The following PLAAT1 variants were observed in gnomAD, a reference collection of about 807,000 sequenced individuals.
PLAAT1 encodes H-REV107 protein-related protein.
Under a neutral mutation model 16.4 loss-of-function variants are expected in PLAAT1, and 13 were observed. The observed-to-expected ratio is 0.79, with a 90% CI of 0.52 to 1.26. The LOEUF is 1.26. Among genes scored for constraint, PLAAT1 ranks in the 50% most tolerant of loss-of-function variants. PLAAT1 has a pLI of 0.00. For missense variants in PLAAT1, 218 were observed against 207.8 expected, an observed-to-expected ratio of 1.05 and a Z score of -0.30; for synonymous variants, 73 against 78.4, an observed-to-expected ratio of 0.93 and a Z score of 0.36.
intron 3 of PLAAT1, among the ~76,000 whole-genome samples, chr3:193,266,452 A>G (rs1336236591): frequency 6.6e-6 from 1 of 152,210 alleles, no homozygotes; most frequent in African/African-American, 2.4e-5. Flanking sequence ...CCCAAGACCC[A>G]TGAAAAATTA....
intron 1 of PLAAT1, among the ~76,000 whole-genome samples, chr3:193,248,202 C>T (rs2108780856): frequency 6.6e-6 from 1 of 152,158 alleles, no homozygotes; most frequent in East Asian, 1.9e-4. Flanking sequence ...TCTATTTTGT[C>T]TGATAGAAGT....
At chr3:193,243,323 G>A (rs1715851653) in intron 1 of PLAAT1, among the ~76,000 whole-genome samples, 1 of 135,964 alleles carries the variant, frequency 7.4e-6, no homozygotes, top group Non-Finnish European at 1.7e-5. Context: ...TGGTAGATGT[G>A]GTCCATGTAA....
At chr3:193,264,572 C>T (rs1220984683) in intron 3 of PLAAT1, among the ~76,000 whole-genome samples, 1 of 151,650 alleles carries the variant, frequency 6.6e-6, no homozygotes, top group African/African-American at 2.4e-5. Context: ...GGCACGATCT[C>T]AGCTCACTGC....
chr3:193,276,965 A>T, intron 2 of PLAAT1: 1 of 668,012 alleles, frequency 1.5e-6, no homozygotes, highest in South Asian at 2.2e-5. Flanking sequence ...CCCTTTACAG[A>T]TAATACAACT....
intron 3 of PLAAT1, among the ~76,000 whole-genome samples, chr3:193,264,811 C>A (rs984597064): frequency 1.3e-5 from 2 of 152,204 alleles, no homozygotes; most frequent in African/African-American, 4.8e-5. Flanking sequence ...CCGTGCCCAG[C>A]CTATTTGCCC....
chr3:193,246,188 G>C (rs1160519691), intron 1 of PLAAT1, among the ~76,000 whole-genome samples: 1 of 152,086 alleles, frequency 6.6e-6, no homozygotes, highest in Non-Finnish European at 1.5e-5. Flanking sequence ...GTGTCTGTGG[G>C]CTTGTCATAT....
chr3:193,272,966 T>G (rs1437270776), downstream of PLAAT1, among the ~76,000 whole-genome samples: 2 of 152,212 alleles, frequency 1.3e-5, no homozygotes, highest in African/African-American at 4.8e-5. Flanking sequence ...TATTAAACCT[T>G]TCTCTGAGCA....
At chr3:193,268,042 C>T (rs1251654882) in intron 3 of PLAAT1, among the ~76,000 whole-genome samples, 13 of 152,044 alleles carry the variant, frequency 8.6e-5, no homozygotes, top group African/African-American at 2.4e-4. Context: ...GTTCATTTTC[C>T]TATTGTTGAA....
At chr3:193,251,082 G>C (rs80042071) in intron 1 of PLAAT1, among the ~76,000 whole-genome samples, 4,243 of 152,182 alleles carry the variant, frequency 0.028, 87 homozygotes, top group Middle Eastern at 0.075. Context: ...GAGTCTTCTA[G>C]TCTGGAGTTA....
intron 1 of PLAAT1, among the ~76,000 whole-genome samples, chr3:193,254,103 A>C (rs1325307327): frequency 6.6e-6 from 1 of 152,188 alleles, no homozygotes; most frequent in African/African-American, 2.4e-5. Context: ...AATAAGATGC[A>C]AACATATTTG....
At chr3:193,270,943 C>A, downstream of PLAAT1, 1 of 687,312 alleles carries the variant, frequency 1.5e-6, no homozygotes, top group Non-Finnish European at 1.9e-6. Flanking sequence ...TTGAGTGAGC[C>A]AGCAGAAGAT....
chr3:193,281,314 T>C (rs1717483906), downstream of PLAAT1: 1 of 501,548 alleles, frequency 2.0e-6, no homozygotes, highest in South Asian at 8.5e-5. Context: ...TGTCTAATGG[T>C]CTAAAAACTA....
rs957485600 is a variant in PLAAT1, at chr3:193,245,142, A to C, written c.-1+3609A>C. Among the ~76,000 whole-genome samples, 40 of 152,112 alleles carry C rather than the reference A, an allele frequency of 2.6e-4. 1 individual carries two copies. Among genetic ancestry groups the C allele is most frequent in the Admixed American group, 1.8e-3 (27 of 15,274 alleles). On this transcript the variant is annotated intron_variant, in intron 1 of 3. Transcript: ENST00000264735. ...GCAGTGCAATAAATCACTAAAACCT[A>C]CTTCTTCAGTCTAACTGAAACTTTT...
chr3:193,273,369 C>T (rs1328847690), downstream of PLAAT1, among the ~76,000 whole-genome samples: 4 of 152,140 alleles, frequency 2.6e-5, no homozygotes, highest in Non-Finnish European at 5.9e-5. Flanking sequence ...GCTGTGAATA[C>T]AAGAAAAGGT....
chr3:193,276,414 G>A (rs1717203514), intron 2 of PLAAT1, among the ~76,000 whole-genome samples: 1 of 152,130 alleles, frequency 6.6e-6, no homozygotes, highest in South Asian at 2.1e-4. Flanking sequence ...AGTCTCTTTG[G>A]GTTTTAGGGT....
downstream of PLAAT1, among the ~76,000 whole-genome samples, chr3:193,271,902 A>C (rs2108806240): frequency 6.6e-6 from 1 of 152,174 alleles, no homozygotes; most frequent in South Asian, 2.1e-4. Context: ...TAATGGAAGG[A>C]GTTGTGTGCT....
chr3:193,268,994 C>T (rs558465193), intron 3 of PLAAT1, among the ~76,000 whole-genome samples: 1 of 152,138 alleles, frequency 6.6e-6, no homozygotes, highest in East Asian at 1.9e-4. Flanking sequence ...TTGACTACCC[C>T]ATTTCTCTCT....
chr3:193,252,731 A>T (rs1716236671), intron 1 of PLAAT1, among the ~76,000 whole-genome samples: 1 of 152,172 alleles, frequency 6.6e-6, no homozygotes, highest in South Asian at 2.1e-4. Context: ...ATGAAGTATG[A>T]AATTTAGGTC....
chr3:193,269,530 C>G (rs975843084), intron 3 of PLAAT1, among the ~76,000 whole-genome samples: 2 of 152,160 alleles, frequency 1.3e-5, no homozygotes, highest in African/African-American at 4.8e-5. Context: ...TGCAGTAATA[C>G]GTGGGTGGCA....
Sources: gnomAD v4.1 joint callset for allele counts (sites outside exome capture counted in the v4.1 genomes callset) on GRCh38, gnomAD v4.1.1 for gene constraint, MANE v1.5 for transcripts, NCBI Gene and HGNC (gene_info 2026-07-23, HGNC 2026-07-21) for gene names.